The following ERC2 variants were observed in gnomAD, a reference collection of about 807,000 sequenced individuals.
ERC2 encodes ELKS/RAB6-interacting/CAST family member 2.
A neutral mutation model predicts 114.8 loss-of-function variants in ERC2; 42 were observed. The observed-to-expected ratio is 0.37, with a 90% CI of 0.29 to 0.47. The LOEUF (loss-of-function observed/expected upper bound fraction) is 0.47, where lower values mean the gene tolerates loss of function less well. ERC2 is among the 20% of genes least tolerant of loss of function. ERC2 has a pLI of 0.99. For missense variants in ERC2, 939 were observed against 1,150.7 expected, an observed-to-expected ratio of 0.82 and a Z score of 2.66; for synonymous variants, 454 against 425.5, an observed-to-expected ratio of 1.07 and a Z score of -0.82.
intron 14 of ERC2, among the ~76,000 whole-genome samples, chr3:55,769,126 C>T (rs900883126): frequency 3.9e-5 from 6 of 152,078 alleles, no homozygotes; most frequent in Admixed American, 2.0e-4. Context: ...TGGAGGCCTC[C>T]GAAGGCTCCA....
In ERC2 at chr3:55,734,794, G is replaced by A; in HGVS notation, c.2689C>T (p.Leu897=). ...ACCTGCTGCTTTAATTGATGTACTA[G>A]TCGGTCTTTTTCCCGCTTGAGGGCC... ...VMALKREKDR[L]VHQLKQQTQN... Residue 897 remains leucine, a synonymous_variant, in exon 15 of 18, where the codon CTA becomes TTA. Transcript: ENST00000288221. 6.2e-7 allele frequency: 1 copy of A among 1,612,886 alleles called. No homozygotes were observed. Among genetic ancestry groups the A allele is most frequent in the Non-Finnish European group, 8.5e-7 (1 of 1,179,368 alleles).
intron 10 of ERC2, chr3:56,003,108 C>T (rs1444415299): frequency 2.3e-6 from 3 of 1,289,290 alleles, no homozygotes; most frequent in Non-Finnish European, 3.0e-6. Context: ...CTGGGTTGTA[C>T]ATCTGATTGA....
At chr3:56,425,550 G>A (rs996382127) in intron 2 of ERC2, among the ~76,000 whole-genome samples, 2 of 132,038 alleles carry the variant, frequency 1.5e-5, no homozygotes, top group Non-Finnish European at 3.1e-5. Context: ...ACTCCACCCC[G>A]ACCCTTTTTC....
intron 17 of ERC2, among the ~76,000 whole-genome samples, chr3:55,561,230 A>G (rs1178927048): frequency 1.3e-5 from 2 of 152,066 alleles, no homozygotes; most frequent in Non-Finnish European, 1.5e-5. Context: ...TTCTATCACC[A>G]TGGAAGATGA....
At chr3:56,038,794 G>A (rs923663027) in intron 7 of ERC2, among the ~76,000 whole-genome samples, 19 of 152,168 alleles carry the variant, frequency 1.2e-4, no homozygotes, top group African/African-American at 4.6e-4. Flanking sequence ...GGACATGGAT[G>A]GAGCTGGAAG....
intron 5 of ERC2, among the ~76,000 whole-genome samples, chr3:56,143,944 A>G (rs2149931328): frequency 6.6e-6 from 1 of 152,360 alleles, no homozygotes; most frequent in South Asian, 2.1e-4. Context: ...CAGGTTGCAT[A>G]ACTTAGTAGA....
chr3:56,046,438 G>T (rs1045904012), intron 7 of ERC2, among the ~76,000 whole-genome samples: 8 of 152,036 alleles, frequency 5.3e-5, no homozygotes, highest in African/African-American at 1.9e-4. Context: ...ACTGATAAGG[G>T]CATCTTTCAT....
chr3:56,117,774 A>C (rs528304549), intron 6 of ERC2, among the ~76,000 whole-genome samples: 1 of 152,300 alleles, frequency 6.6e-6, no homozygotes, highest in South Asian at 2.1e-4. Context: ...CTGCTCTGTA[A>C]AAGGAGTTCA....
intron 14 of ERC2, among the ~76,000 whole-genome samples, chr3:55,846,679 CTCTCTCTCTCTCTT>C (rs1453067543): frequency 7.8e-6 from 1 of 127,908 alleles, no homozygotes; most frequent in Non-Finnish European, 1.6e-5. Context: ...TTCTCTCTCT[CTCTCTCTCTCTCTT>C]TCTCTCTCTC....
chr3:55,518,578 G>C (rs1461514611), intron 17 of ERC2, among the ~76,000 whole-genome samples: 1 of 152,232 alleles, frequency 6.6e-6, no homozygotes, highest in African/African-American at 2.4e-5. Flanking sequence ...ATTTTGCCAA[G>C]CTTCCTTGTT....
chr3:56,068,516 T>C (rs887112834), intron 7 of ERC2, among the ~76,000 whole-genome samples: 1 of 152,218 alleles, frequency 6.6e-6, no homozygotes, highest in African/African-American at 2.4e-5. Flanking sequence ...CATGATTTTT[T>C]TGAAGGATCT....
chr3:56,220,410 GT>G (rs1399709578), intron 3 of ERC2, among the ~76,000 whole-genome samples: 12 of 152,180 alleles, frequency 7.9e-5, no homozygotes, highest in Admixed American at 5.2e-4. Context: ...TACAATCAGG[GT>G]TTCGGTTGCA....
At chr3:55,593,384 C>G (rs538336386) in intron 17 of ERC2, among the ~76,000 whole-genome samples, 5 of 152,138 alleles carry the variant, frequency 3.3e-5, no homozygotes, top group African/African-American at 9.6e-5. Context: ...GGAGGAGGAC[C>G]CAGGATGAAA....
At chr3:55,856,946 T>C (rs1422835136) in intron 14 of ERC2, among the ~76,000 whole-genome samples, 1 of 152,216 alleles carries the variant, frequency 6.6e-6, no homozygotes, top group East Asian at 1.9e-4. Flanking sequence ...TCCATTTATA[T>C]GGAATGTCCA....
At chr3:56,024,279 C>T (rs1236408040) in intron 7 of ERC2, among the ~76,000 whole-genome samples, 1 of 152,160 alleles carries the variant, frequency 6.6e-6, no homozygotes, top group African/African-American at 2.4e-5. Context: ...CACTGTTGCC[C>T]CAACTGCTGA....
intron 14 of ERC2, among the ~76,000 whole-genome samples, chr3:55,808,001 C>T (rs564426826): frequency 1.3e-5 from 2 of 152,290 alleles, no homozygotes; most frequent in African/African-American, 4.8e-5. Flanking sequence ...AAATTCTCAG[C>T]ACTCATTCCC....
chr3:56,305,420 T>C (rs1340037399), intron 2 of ERC2, among the ~76,000 whole-genome samples: 1 of 151,688 alleles, frequency 6.6e-6, no homozygotes, highest in East Asian at 1.9e-4. Context: ...AATAAACATA[T>C]GAAAAGATGT....
intron 1 of ERC2, among the ~76,000 whole-genome samples, chr3:56,448,810 T>C (rs2062699313): frequency 6.6e-6 from 1 of 152,142 alleles, no homozygotes; most frequent in African/African-American, 2.4e-5. Context: ...GCGCGGTGGC[T>C]CACACCTGTA....
intron 14 of ERC2, among the ~76,000 whole-genome samples, chr3:55,775,084 A>T (rs1038631672): frequency 6.6e-6 from 1 of 152,184 alleles, no homozygotes; most frequent in Non-Finnish European, 1.5e-5. Context: ...AGCTAGCATC[A>T]AATGTCCCCA....
Sources: gnomAD v4.1 joint callset for allele counts (sites outside exome capture counted in the v4.1 genomes callset) on GRCh38, gnomAD v4.1.1 for gene constraint, MANE v1.5 for transcripts, NCBI Gene and HGNC (gene_info 2026-07-23, HGNC 2026-07-21) for gene names.